Variants in DNAH14 observed in about 807,000 individuals in gnomAD.
DNAH14 encodes dynein axonemal heavy chain 14.
Under a neutral mutation model 520.9 loss-of-function variants are expected in DNAH14, and 478 were observed. The ratio of observed to expected loss-of-function variants is 0.92; its 90% confidence interval spans 0.85 to 0.99. The LOEUF is 0.99. Ranked by LOEUF, DNAH14 falls within the 50% of genes least tolerant of loss-of-function variation. DNAH14 has a pLI of 0.00. For synonymous variants in DNAH14, 1,581 were observed against 1,757.2 expected (o/e 0.90, Z 2.51); for missense variants, 4,831 against 5,234.5 (o/e 0.92, Z 2.38).
At chr1:225,216,272 G>A (rs1016168438) in intron 41 of DNAH14, among the ~76,000 whole-genome samples, 6 of 152,196 alleles carry the variant, frequency 3.9e-5, no homozygotes, top group Non-Finnish European at 7.3e-5. Context: ...TCCACTGTTA[G>A]TCTGATGGGC....
intron 43 of DNAH14, among the ~76,000 whole-genome samples, chr1:225,250,902 C>T (rs1216130594): frequency 6.6e-6 from 1 of 152,048 alleles, no homozygotes; most frequent in African/African-American, 2.4e-5. Context: ...AAGGGAGATG[C>T]TTGGAAGTGT....
chr1:225,217,280 T>G (rs1240095115), intron 41 of DNAH14, among the ~76,000 whole-genome samples: 1 of 151,984 alleles, frequency 6.6e-6, no homozygotes, highest in Non-Finnish European at 1.5e-5. Context: ...ATCTCAGAGG[T>G]GCACTGCCCT....
Position 225,308,405 on chromosome 1 carries a change from G to T in DNAH14, c.9235G>T (p.Ala3079Ser). The part of the protein sequence containing the change: ...AEEVRIVEDY[A>S]QKTANELKSV... ...AGAAGTAAGAATTGTGGAAGATTAT[G>T]CTCAGGTAAAATTAAAATATTGTCA... Residue 3079 changes from alanine to serine, a missense_variant, in exon 60 of 86, where the codon GCT (alanine) becomes TCT (serine). By Grantham distance (99) the Ala-to-Ser change is moderately conservative (BLOSUM62 1). Transcript: ENST00000682510. The T allele has an allele frequency of 1.3e-6, 2 of 1,517,224 alleles. No individual in the cohort carries two copies. The highest frequency in any genetic ancestry group is 1.8e-6 in the Non-Finnish European group (2 of 1,137,664). The allele number at this position is 1,517,224 out of a possible 1,614,324, so 94.0% of individuals were successfully genotyped here.
chr1:224,977,074 A>T lies in DNAH14; in HGVS notation c.830+2921A>T, dbSNP rs536634989. ...TGCAGCACTATTCACAATAGCAAAG[A>T]CTTGGAACCAACCCAAATGTCCAAC... On this transcript the variant is annotated intron_variant, in intron 8 of 85. Coordinates refer to ENST00000682510, the MANE Select transcript of DNAH14 (RefSeq NM_001367479.1). 4.0e-5 allele frequency among the ~76,000 whole-genome samples: 6 copies of T among 151,680 alleles called. No individual in the cohort carries two copies. In the East Asian group the frequency reaches 1.2e-3, roughly 29 times the overall value.
chr1:225,320,111 C>T (rs2094533488), intron 61 of DNAH14, among the ~76,000 whole-genome samples: 1 of 152,026 alleles, frequency 6.6e-6, no homozygotes, highest in East Asian at 1.9e-4. Context: ...TCCCTTTAGC[C>T]TAATTTCTGA....
intron 56 of DNAH14, among the ~76,000 whole-genome samples, chr1:225,302,570 T>G (rs2094159573): frequency 6.6e-6 from 1 of 152,210 alleles, no homozygotes. Flanking sequence ...ATCTGTGCCC[T>G]GTTGCCAGTC....
chr1:225,384,725 G>A lies in DNAH14; in HGVS notation c.13077+3146G>A, dbSNP rs191062727. On this transcript the variant is annotated intron_variant, in intron 81 of 85. Transcript: ENST00000682510. ...GACAAATAACAGGTTCTGAAATTGA[G>A]GCAATAATTAATAGCCTACCAACCA... Among the ~76,000 whole-genome samples, 150 of 152,212 alleles carry A rather than the reference G, an allele frequency of 9.9e-4. 1 individual carries two copies. The highest frequency in any genetic ancestry group is 3.2e-3 in the African/African-American group (132 of 41,524).
At position 225,079,544 on chromosome 1, in the gene DNAH14, C is replaced by T. The variant is rs1256229726; in HGVS notation, c.2762C>T (p.Ala921Val). Residue 921 changes from alanine (A) to valine (V), a missense_variant, in exon 18 of 86, where the codon GCC becomes GTC. Coordinates refer to ENST00000682510, the MANE Select transcript of DNAH14 (RefSeq NM_001367479.1). ...GLHVDVGNLK[A>V]KIRTPLLLCA... ...CATGTTGATGTTGGCAATTTAAAAGCCAAGGTAAGTTTTTAGGGTTTTTTT... is the reference window on the plus strand; with the variant it reads ...CATGTTGATGTTGGCAATTTAAAAGTCAAGGTAAGTTTTTAGGGTTTTTTT... The T allele has an allele frequency of 6.7e-7, 1 of 1,501,314 alleles. No homozygotes were observed. 93.0% of individuals were successfully genotyped at this position (1,501,314 alleles called of 1,614,324 possible).
intron 21 of DNAH14, among the ~76,000 whole-genome samples, chr1:225,092,143 C>T (rs2074455712): frequency 6.6e-6 from 1 of 152,086 alleles, no homozygotes; most frequent in Non-Finnish European, 1.5e-5. Flanking sequence ...CAATGCCCTG[C>T]TGACAGTATT....
intron 60 of DNAH14, among the ~76,000 whole-genome samples, chr1:225,315,511 G>C (rs2094450177): frequency 6.6e-6 from 1 of 152,104 alleles, no homozygotes; most frequent in South Asian, 2.1e-4. Context: ...CTTTGGAGGA[G>C]AAGAGGCATT....
Position 225,367,932 on chromosome 1 carries a change from T to C in DNAH14, c.12218T>C (p.Leu4073Ser). 6.4e-7 allele frequency: 1 copy of C among 1,551,678 alleles called. No individual in the cohort carries two copies. Among genetic ancestry groups the C allele is most frequent in the Non-Finnish European group, 8.7e-7 (1 of 1,146,950 alleles). Residue 4073 changes from leucine (L) to serine (S), a missense_variant, in exon 77 of 86, where the codon TTA becomes TCA. Transcript: ENST00000682510. ...PDCGQWWKKL[L>S]FSLCFFNAVI... ...TGTGGACAATGGTGGAAAAAACTTT[T>C]ATTTAGCCTATGTTTTTTCAATGCT...
At chr1:225,019,825 A>G (rs947929382) in intron 10 of DNAH14, among the ~76,000 whole-genome samples, 2 of 152,214 alleles carry the variant, frequency 1.3e-5, no homozygotes, top group African/African-American at 4.8e-5. Flanking sequence ...AACAGACACA[A>G]CATACCAGAA....
At chr1:224,982,651 G>A (rs776591283) in intron 8 of DNAH14, among the ~76,000 whole-genome samples, 4 of 152,014 alleles carry the variant, frequency 2.6e-5, no homozygotes, top group African/African-American at 7.2e-5. Context: ...TGTTATTATC[G>A]TCATTCAGTT....
Position 225,395,509 on chromosome 1 carries a change from G to A in DNAH14, c.13492-3011G>A, listed in dbSNP as rs564275752. ...CGAGAGGCTGAGGCAGGAGAATGGC[G>A]TGAACCCAGGAGGCGGAGCTTGCAG... On this transcript the variant is annotated intron_variant, in intron 84 of 85. Coordinates refer to ENST00000682510, the MANE Select transcript of DNAH14 (RefSeq NM_001367479.1). 2.7e-3 allele frequency among the ~76,000 whole-genome samples: 411 copies of A among 151,610 alleles called. 1 individual carries two copies. The highest frequency in any genetic ancestry group is 4.0e-3 in the Non-Finnish European group (272 of 67,908).
rs982297091 is a variant in DNAH14, at chr1:224,933,941, G to T, written c.-34+4106G>T. Among the ~76,000 whole-genome samples the T allele has an allele frequency of 6.6e-5, 10 of 151,792 alleles. No individual in the cohort carries two copies. In the East Asian group the frequency reaches 1.9e-3, roughly 29 times the overall value. ...ACAGATATCACTAACGTTGTTTACA[G>T]CCAAAGAAATGCGGAGACTACACTA... On this transcript the variant is annotated intron_variant, in intron 1 of 85. Transcript: ENST00000682510.
intron 23 of DNAH14, among the ~76,000 whole-genome samples, chr1:225,108,337 G>C (rs913722716): frequency 1.1e-4 from 16 of 152,076 alleles, no homozygotes; most frequent in African/African-American, 3.4e-4. Context: ...TGGCTTCCTT[G>C]CTCCTCAGCT....
intron 47 of DNAH14, among the ~76,000 whole-genome samples, chr1:225,264,811 G>A (rs1337680947): frequency 6.6e-6 from 1 of 152,110 alleles, no homozygotes; most frequent in East Asian, 1.9e-4. Flanking sequence ...TTTTGGTTTT[G>A]TTTTCACTTT....
chr1:225,242,286 T>C (rs2092013177), intron 43 of DNAH14, among the ~76,000 whole-genome samples: 1 of 152,142 alleles, frequency 6.6e-6, no homozygotes, highest in African/African-American at 2.4e-5. Flanking sequence ...ATAATTTTTT[T>C]TACTTTATAA....
At chr1:225,065,182 C>G (rs945293644) in intron 17 of DNAH14, among the ~76,000 whole-genome samples, 7 of 151,792 alleles carry the variant, frequency 4.6e-5, no homozygotes, top group African/African-American at 1.7e-4. Context: ...AATGGTATTG[C>G]CTAGGACATC....
Sources: allele counts gnomAD v4.1 joint callset (sites outside exome capture counted in the v4.1 genomes callset), GRCh38; gene constraint gnomAD v4.1.1; transcripts MANE v1.5; gene names NCBI Gene and HGNC (gene_info 2026-07-23, HGNC 2026-07-21).